RAB21: variants seen among roughly 807,000 people sequenced by gnomAD.
RAB21 encodes the protein RAB21, member RAS oncogene family.
A neutral mutation model predicts 33.1 loss-of-function variants in RAB21; 13 were observed. The ratio of observed to expected loss-of-function variants is 0.39; its 90% CI spans 0.26 to 0.62. The LOEUF (loss-of-function observed/expected upper bound fraction) is 0.62. Ranked by LOEUF, RAB21 falls within the 20% of genes least tolerant of loss-of-function variation. RAB21 has a pLI of 0.48. For synonymous variants in RAB21, 91 were observed against 103.7 expected (o/e 0.88, Z 0.74); for missense variants, 234 against 279.1 (o/e 0.84, Z 1.15).
At position 71,774,032 on chromosome 12, in the gene RAB21, A is replaced by C; in HGVS notation, c.391+10A>C. On this transcript the variant is annotated intron_variant, in intron 4 of 6. Transcript: ENST00000261263. ...TGTTTATGTATAGTTGGTAAGCATCATTACTTTTTTCTAAAAAAAAAGTCC... is the reference window on the plus strand; with the variant it reads ...TGTTTATGTATAGTTGGTAAGCATCCTTACTTTTTTCTAAAAAAAAAGTCC... The C allele has an allele frequency of 6.5e-7, 1 of 1,540,758 alleles. No individual in the cohort carries two copies. Among genetic ancestry groups the C allele is most frequent in the Non-Finnish European group, 8.8e-7 (1 of 1,141,866 alleles).
rs1002409790 is a variant in RAB21 at position 71,786,985 on chromosome 12, A to G, written c.*1312A>G. 3 of 152,244 alleles carry G rather than the reference A, an allele frequency of 2.0e-5. No homozygotes were observed. Among genetic ancestry groups the G allele is most frequent in the Admixed American group, 2.0e-4 (3 of 15,282 alleles). The allele number at this position is 152,244 out of a possible 1,614,324, so 9.4% of individuals were successfully genotyped here. ...TGGGTTCAGTGGTATGAGCAGAGGA[A>G]GAGATCCCAGATAGTAGCCAGTTAA... On this transcript the variant is annotated 3_prime_UTR_variant, in exon 7 of 7. Transcript: ENST00000261263.
rs1177900327 is a variant in RAB21 at position 71,795,014 on chromosome 12, G to A, written c.*9341G>A. 6.6e-6 allele frequency: 1 copy of A among 152,012 alleles called. No individual in the cohort carries two copies. The highest frequency in any genetic ancestry group is 1.5e-5 in the Non-Finnish European group (1 of 68,014). The allele number at this position is 152,012 out of a possible 1,614,324, so 9.4% of individuals were successfully genotyped here. On this transcript the variant is annotated 3_prime_UTR_variant, in exon 7 of 7. Coordinates refer to ENST00000261263, the MANE Select transcript of RAB21 (RefSeq NM_014999.4). Reference sequence around the variant, plus strand: ...CACCATGTGTAAGCAATTCTCATCTGTGGAATGTTTGACAGGGATAAGATT... The same window carrying A: ...CACCATGTGTAAGCAATTCTCATCTATGGAATGTTTGACAGGGATAAGATT...
rs956044022 is a variant in RAB21 at position 71,760,717 on chromosome 12, CT to C, written c.159+5438del. On this transcript the variant is annotated intron_variant, in intron 1 of 6. Coordinates refer to ENST00000261263, the MANE Select transcript of RAB21 (RefSeq NM_014999.4). ...ATCTGTGCTCCTGGGTTATGTACCC[CT>C]TTTTTTTTCCCTTATTGAAGGTGCT... Among the ~76,000 whole-genome samples, 508 of 151,850 alleles carry C rather than the reference CT, an allele frequency of 3.3e-3. 2 individuals are homozygous for C. The highest frequency in any genetic ancestry group is 9.2e-3 in the African/African-American group (382 of 41,314).
chr12:71,782,606 T>G lies in RAB21; in HGVS notation c.483T>G (p.Thr161=). The G allele has an allele frequency of 6.2e-7, 1 of 1,604,430 alleles. No homozygotes were observed. Among genetic ancestry groups the G allele is most frequent in the African/African-American group, 1.3e-5 (1 of 74,698 alleles). Residue 161 remains threonine (T), a synonymous_variant, in exon 6 of 7, where the codon ACT becomes ACG. Coordinates refer to ENST00000261263, the MANE Select transcript of RAB21 (RefSeq NM_014999.4). ...AESVGAKHYH[T]SAKQNKGIEE... Reference sequence around the variant, plus strand: ...CTGTGGGAGCAAAACATTATCATACTTCAGCCAAACAGAACAAAGGAATTG... The same window carrying G: ...CTGTGGGAGCAAAACATTATCATACGTCAGCCAAACAGAACAAAGGAATTG...
chr12:71,779,080 A>G (rs1478785998), intron 4 of RAB21, among the ~76,000 whole-genome samples: 3 of 152,322 alleles, frequency 2.0e-5, no homozygotes, highest in South Asian at 4.1e-4. Flanking sequence ...TTTTACATAT[A>G]TCTTATTTTC....
At chr12:71,763,968 TCA>T (rs1264802528) in intron 1 of RAB21, among the ~76,000 whole-genome samples, 1 of 152,208 alleles carries the variant, frequency 6.6e-6, no homozygotes, top group Non-Finnish European at 1.5e-5. Context: ...AAAATCAGGT[TCA>T]CAGCTGTAAA....
intron 5 of RAB21, 23 bp downstream of exon 5, chr12:71,782,108 TC>T: frequency 6.3e-7 from 1 of 1,575,408 alleles, no homozygotes; most frequent in Non-Finnish European, 8.7e-7. Flanking sequence ...ACCCTCCCAT[TC>T]CCCATCACTC....
intron 1 of RAB21, among the ~76,000 whole-genome samples, chr12:71,756,086 G>C (rs1193738660): frequency 6.6e-6 from 1 of 152,168 alleles, no homozygotes; most frequent in Non-Finnish European, 1.5e-5. Context: ...CTCTCCCAGA[G>C]AAATCAGTTT....
At chr12:71,763,625 T>C (rs1392328960) in intron 1 of RAB21, among the ~76,000 whole-genome samples, 1 of 152,176 alleles carries the variant, frequency 6.6e-6, no homozygotes, top group Non-Finnish European at 1.5e-5. Context: ...TTTTGTAATA[T>C]CACTAAAGCA....
chr12:71,772,148 A>G (rs1883052745), intron 3 of RAB21, among the ~76,000 whole-genome samples: 1 of 152,160 alleles, frequency 6.6e-6, no homozygotes, highest in Non-Finnish European at 1.5e-5. Flanking sequence ...TCACTCATAG[A>G]GCTGCACTGA....
At chr12:71,776,102 G>C (rs1184854709) in intron 4 of RAB21, among the ~76,000 whole-genome samples, 1 of 152,100 alleles carries the variant, frequency 6.6e-6, no homozygotes, top group Admixed American at 6.5e-5. Flanking sequence ...GGACTTACTA[G>C]GAGTGGAAGT....
At chr12:71,766,716 A>G (rs1180168313) in intron 1 of RAB21, among the ~76,000 whole-genome samples, 1 of 152,152 alleles carries the variant, frequency 6.6e-6, no homozygotes, top group African/African-American at 2.4e-5. Context: ...ATAAGAGAAC[A>G]TGAAATTTCA....
chr12:71,763,424 C>G (rs960822494), intron 1 of RAB21, among the ~76,000 whole-genome samples: 8 of 152,052 alleles, frequency 5.3e-5, no homozygotes, highest in Non-Finnish European at 1.5e-5. Context: ...TTATTTCTCT[C>G]TTATAATCCT....
chr12:71,769,904 T>A, intron 2 of RAB21, 45 bp downstream of exon 2: 1 of 1,097,040 alleles, frequency 9.1e-7, no homozygotes, highest in Non-Finnish European at 1.2e-6. Context: ...CTTCTTCCTT[T>A]TTTCTTTTTT....
intron 4 of RAB21, among the ~76,000 whole-genome samples, chr12:71,779,750 A>G (rs977198449): frequency 2.6e-5 from 4 of 152,116 alleles, no homozygotes; most frequent in Non-Finnish European, 4.4e-5. Flanking sequence ...TATGTTTTTA[A>G]TTCTTTATAG....
In RAB21 at chr12:71,795,953, C is replaced by G. The variant is rs1883460626; in HGVS notation, c.*10280C>G. On this transcript the variant is annotated 3_prime_UTR_variant, in exon 7 of 7. Transcript: ENST00000261263. ...GTGCCAGTTACTTAATTTAATACAT[C>G]TAATGGGAGATTCAAAGCAAACCAT... 1 of 137,630 alleles carries G rather than the reference C, an allele frequency of 7.3e-6. No individual in the cohort carries two copies. The highest frequency in any genetic ancestry group is 2.9e-5 in the African/African-American group (1 of 34,192). 8.5% of individuals were successfully genotyped at this position (137,630 alleles called of 1,614,324 possible).
chr12:71,762,097 G>T (rs576734896), intron 1 of RAB21, among the ~76,000 whole-genome samples: 14 of 152,270 alleles, frequency 9.2e-5, no homozygotes, highest in Middle Eastern at 6.8e-3. Flanking sequence ...CTTAAGAAAT[G>T]AGTTTTTGTG....
At position 71,770,672 on chromosome 12, in the gene RAB21, C is replaced by T. The variant is rs1883029514; in HGVS notation, c.300C>T (p.Asp100=). Residue 100 remains aspartate (D), a synonymous_variant, in exon 3 of 7, where the codon GAC becomes GAT. Coordinates refer to ENST00000261263, the MANE Select transcript of RAB21 (RefSeq NM_014999.4). ...CAAATGGAGCGATTTTAGTTTATGA[C>T]ATAACAGATGAAGATTCTTTTCAGA... ...RDSNGAILVY[D]ITDEDSFQKV... The T allele has an allele frequency of 6.3e-7, 1 of 1,596,042 alleles. No homozygotes were observed. Among genetic ancestry groups the T allele is most frequent in the African/African-American group, 1.3e-5 (1 of 74,508 alleles).
intron 3 of RAB21, among the ~76,000 whole-genome samples, chr12:71,773,499 G>T (rs1269353125): frequency 6.7e-6 from 1 of 148,964 alleles, no homozygotes; most frequent in Non-Finnish European, 1.5e-5. Context: ...TTTTTTTGGT[G>T]CTTATATACA....
Sources: allele counts gnomAD v4.1 joint callset (sites outside exome capture counted in the v4.1 genomes callset), GRCh38; gene constraint gnomAD v4.1.1; transcripts MANE v1.5; gene names NCBI Gene and HGNC (gene_info 2026-07-23, HGNC 2026-07-21).